POU1F1: variants seen among roughly 807,000 people sequenced by gnomAD.
POU1F1 encodes the protein POU class 1 homeobox 1, also known as pituitary-specific positive transcription factor 1.
Under a neutral mutation model 32.3 loss-of-function variants are expected in POU1F1, and 23 were observed. That is an observed-to-expected ratio of 0.71 (90% CI 0.51 to 1.01). The LOEUF is 1.01. Among genes scored for constraint, POU1F1 ranks in the 50% least tolerant of loss-of-function variants. The probability of loss-of-function intolerance (pLI) is 0.00; values close to 1 mark genes in which losing one functional copy is unlikely to be tolerated. For missense variants in POU1F1, 323 were observed against 341.6 expected (o/e 0.95, Z 0.43); for synonymous variants, 120 against 115.6 (o/e 1.04, Z -0.25).
At chr3:87,261,005 G>C (rs1245322768) in intron 5 of POU1F1, among the ~76,000 whole-genome samples, 1 of 151,816 alleles carries the variant, frequency 6.6e-6, no homozygotes, top group African/African-American at 2.4e-5. Flanking sequence ...CCGCCTCCCA[G>C]GTTCAAGCCA....
At chr3:87,271,459 C>T (rs1036660259) in intron 2 of POU1F1, among the ~76,000 whole-genome samples, 1 of 152,138 alleles carries the variant, frequency 6.6e-6, no homozygotes, top group Admixed American at 6.6e-5. Flanking sequence ...TTGGTGCCAA[C>T]CTCAATCAAC....
At chr3:87,265,515 A>ATACAT (rs1231070476) in intron 2 of POU1F1, among the ~76,000 whole-genome samples, 1 of 152,014 alleles carries the variant, frequency 6.6e-6, no homozygotes, top group African/African-American at 2.4e-5. Context: ...TTCTTTATCA[A>ATACAT]TACATTACAA....
At chr3:87,263,614 T>C (rs373611750) in intron 3 of POU1F1, among the ~76,000 whole-genome samples, 2 of 152,232 alleles carry the variant, frequency 1.3e-5, no homozygotes, top group East Asian at 3.9e-4. Context: ...ATTGTGCTTC[T>C]AACATTTTTG....
chr3:87,271,866 T>C (rs1706732793), intron 2 of POU1F1, among the ~76,000 whole-genome samples: 1 of 152,162 alleles, frequency 6.6e-6, no homozygotes, highest in African/African-American at 2.4e-5. Context: ...CATTTAACCA[T>C]AAATGTTAGG....
At chr3:87,260,215 T>G in intron 5 of POU1F1, 111 bp from the exon 6 acceptor site, 1 of 812,942 alleles carries the variant, frequency 1.2e-6, no homozygotes, top group South Asian at 1.5e-5. Context: ...AAAAGGAAAC[T>G]TAAAAACTCT....
intron 2 of POU1F1, among the ~76,000 whole-genome samples, chr3:87,267,894 A>G (rs954908529): frequency 6.6e-6 from 1 of 152,114 alleles, no homozygotes; most frequent in Non-Finnish European, 1.5e-5. Context: ...GGTATAAGCC[A>G]CAGAACCCAG....
chr3:87,262,878 T>C (rs1218321656), intron 3 of POU1F1, among the ~76,000 whole-genome samples: 1 of 152,096 alleles, frequency 6.6e-6, no homozygotes, highest in Admixed American at 6.6e-5. Flanking sequence ...TGAAATAACA[T>C]ATAATTTGAA....
At chr3:87,261,179 TA>T in intron 5 of POU1F1, 93 bp downstream of exon 5, 3 of 963,668 alleles carry the variant, frequency 3.1e-6, no homozygotes. Context: ...ACCTTACATT[TA>T]TATGTTATGT....
chr3:87,265,142 G>A (rs1304614246), intron 2 of POU1F1, among the ~76,000 whole-genome samples: 2 of 151,936 alleles, frequency 1.3e-5, no homozygotes, highest in East Asian at 3.9e-4. Context: ...GGCTAAATAG[G>A]CTTGAGGAGT....
intron 2 of POU1F1, among the ~76,000 whole-genome samples, chr3:87,270,579 C>T (rs544064148): frequency 6.6e-6 from 1 of 152,230 alleles, no homozygotes; most frequent in South Asian, 2.1e-4. Flanking sequence ...AGTAATTTCA[C>T]ATATTTTAGA....
At chr3:87,262,031 G>C (rs200089182) in intron 4 of POU1F1, 40 bp downstream of exon 4, 1 of 1,611,608 alleles carries the variant, frequency 6.2e-7, no homozygotes, top group East Asian at 2.2e-5. Flanking sequence ...TTATTTTTAG[G>C]TTAAAACACA....
Position 87,262,080 on chromosome 3 carries a change from G to A in POU1F1, c.595C>T (p.Gln199Ter). 1 of 1,614,002 alleles carries A rather than the reference G, an allele frequency of 6.2e-7. No individual in the cohort carries two copies. Among genetic ancestry groups the A allele is most frequent in the South Asian group, 1.1e-5 (1 of 91,080 alleles). Residue 199 changes from glutamine (Q) to a stop codon, truncating the protein, a stop_gained, in exon 4 of 6, where the codon CAA (glutamine) becomes TAA (stop). Transcript: ENST00000350375. LOFTEE classifies it high-confidence loss of function. ...AGACACAATTTAGTACCTCCTACTT[G>A]CTCAGCTTCCTCCAGCCATTTGGAT... Reference protein sequence around the residue: ...ILSKWLEEAEQVGALYNEKVG... With the variant: ...ILSKWLEEAE
rs1341818529 is a variant in POU1F1, at chr3:87,264,555, A to G, written c.215-43T>C. On this transcript the variant is annotated intron_variant, in intron 2 of 5. Coordinates refer to ENST00000350375, the MANE Select transcript of POU1F1 (RefSeq NM_000306.4). ...AATAAAATGAAAAAGACCATTTGTC[A>G]TTCTCCTTATTTCTATATAAGAAAG... 7.6e-6 allele frequency: 11 copies of G among 1,441,970 alleles called. No homozygotes were observed. In the Admixed American group the frequency reaches 1.9e-4, roughly 24 times the overall value. 89.3% of individuals were successfully genotyped at this position (1,441,970 alleles called of 1,614,324 possible).
intron 2 of POU1F1, 110 bp downstream of exon 2, chr3:87,273,237 A>G (rs1706759419): frequency 1.7e-6 from 2 of 1,190,728 alleles, no homozygotes. Flanking sequence ...TAATTTTCAA[A>G]GTTAAGAAAT....
intron 2 of POU1F1, among the ~76,000 whole-genome samples, chr3:87,269,547 GA>G (rs928297178): frequency 5.3e-5 from 8 of 151,084 alleles, no homozygotes; most frequent in Non-Finnish European, 1.0e-4. Context: ...AGTAAATTAA[GA>G]AAAAAAAATT....
intron 2 of POU1F1, 151 bp from the exon 3 acceptor site, chr3:87,264,663 A>C (rs1435158021): frequency 1.5e-6 from 1 of 675,134 alleles, no homozygotes; most frequent in Admixed American, 2.5e-5. Context: ...CTTCCGAAGA[A>C]GGAGTCAAAG....
intron 2 of POU1F1, among the ~76,000 whole-genome samples, chr3:87,268,449 C>T (rs1706667883): frequency 6.6e-6 from 1 of 151,988 alleles, no homozygotes; most frequent in Non-Finnish European, 1.5e-5. Flanking sequence ...CAATTATCTG[C>T]AAGGTCACAG....
At chr3:87,264,062 T>C (rs1706565875) in intron 3 of POU1F1, among the ~76,000 whole-genome samples, 1 of 152,076 alleles carries the variant, frequency 6.6e-6, no homozygotes, top group Non-Finnish European at 1.5e-5. Flanking sequence ...AATGTTGAGG[T>C]AAGTTTTGAA....
At chr3:87,263,377 A>G (rs931787856) in intron 3 of POU1F1, among the ~76,000 whole-genome samples, 1 of 152,108 alleles carries the variant, frequency 6.6e-6, no homozygotes. Context: ...TTCAACCACC[A>G]TTTATTTATT....
Sources: gnomAD v4.1 joint callset for allele counts (sites outside exome capture counted in the v4.1 genomes callset) on GRCh38, gnomAD v4.1.1 for gene constraint, MANE v1.5 for transcripts, NCBI Gene and HGNC (gene_info 2026-07-23, HGNC 2026-07-21) for gene names.